Variants in PTPRT observed in about 807,000 individuals in gnomAD.
PTPRT encodes protein tyrosine phosphatase receptor type T.
Under a neutral mutation model 176.8 loss-of-function variants are expected in PTPRT, and 56 were observed. The ratio of observed to expected loss-of-function variants is 0.32; its 90% CI spans 0.26 to 0.40. The LOEUF is 0.40. PTPRT is among the 10% of genes least tolerant of loss of function. The pLI is 1.00. For synonymous variants in PTPRT, 783 were observed against 739.0 expected, an observed-to-expected ratio of 1.06 and a Z score of -0.96; for missense variants, 1,540 against 1,908.2, an observed-to-expected ratio of 0.81 and a Z score of 3.60.
At chr20:43,012,407 G>A (rs1985174699) in intron 1 of PTPRT, among the ~76,000 whole-genome samples, 1 of 152,120 alleles carries the variant, frequency 6.6e-6, no homozygotes, top group South Asian at 2.1e-4. Context: ...GTAAAATGGT[G>A]GTTACTAGAG....
At chr20:42,141,839 G>C in intron 18 of PTPRT, 76 bp downstream of exon 18, 2 of 1,311,766 alleles carry the variant, frequency 1.5e-6, no homozygotes, top group South Asian at 2.4e-5. Flanking sequence ...CAAATTCCAG[G>C]TAAATAATAG....
chr20:42,914,397 T>C (rs1978595335), intron 1 of PTPRT, among the ~76,000 whole-genome samples: 1 of 152,198 alleles, frequency 6.6e-6, no homozygotes, highest in South Asian at 2.1e-4. Flanking sequence ...TTTGTATGAA[T>C]GACTCATCAA....
intron 2 of PTPRT, among the ~76,000 whole-genome samples, chr20:42,820,966 C>G (rs6124495): frequency 5.9e-5 from 9 of 152,180 alleles, no homozygotes. Flanking sequence ...AGATTCACAG[C>G]TGAACTCTAC....
intron 2 of PTPRT, among the ~76,000 whole-genome samples, chr20:42,878,157 C>T (rs903856392): frequency 4.6e-5 from 7 of 152,078 alleles, no homozygotes; most frequent in Non-Finnish European, 8.8e-5. Context: ...GAATACTCAC[C>T]GCAACATGAT....
At chr20:42,538,965 C>T (rs559040055) in intron 7 of PTPRT, among the ~76,000 whole-genome samples, 3 of 152,310 alleles carry the variant, frequency 2.0e-5, no homozygotes, top group Admixed American at 1.3e-4. Flanking sequence ...ATCCATGCAA[C>T]TATCACTAAT....
At chr20:42,276,377 T>C (rs2057029887) in intron 13 of PTPRT, among the ~76,000 whole-genome samples, 1 of 149,522 alleles carries the variant, frequency 6.7e-6, no homozygotes, top group South Asian at 2.1e-4. Context: ...GTACAAGCAG[T>C]GACTAGAGTC....
At chr20:42,574,587 G>A (rs2073222836) in intron 7 of PTPRT, among the ~76,000 whole-genome samples, 2 of 152,160 alleles carry the variant, frequency 1.3e-5, no homozygotes, top group Admixed American at 6.5e-5. Flanking sequence ...GAAGAACAAA[G>A]GGCAGTGGCA....
chr20:42,651,779 G>T (rs1290875890), intron 7 of PTPRT, among the ~76,000 whole-genome samples: 1 of 152,154 alleles, frequency 6.6e-6, no homozygotes, highest in Admixed American at 6.6e-5. Flanking sequence ...AGGCACAGTG[G>T]CTCATGCCTA....
intron 26 of PTPRT, among the ~76,000 whole-genome samples, chr20:42,100,710 C>T (rs1292535406): frequency 1.3e-5 from 2 of 152,216 alleles, no homozygotes; most frequent in African/African-American, 2.4e-5. Context: ...TCTCATCACA[C>T]TCACACACAT....
the PTPRT span, among the ~76,000 whole-genome samples, chr20:42,037,863 C>G: frequency 6.6e-6 from 1 of 152,138 alleles, no homozygotes; most frequent in South Asian, 2.1e-4. Flanking sequence ...TGCTTCAGCT[C>G]CTCTGCTGTG....
intron 1 of PTPRT, among the ~76,000 whole-genome samples, chr20:42,975,858 G>A (rs574543052): frequency 1.1e-4 from 17 of 151,424 alleles, no homozygotes; most frequent in East Asian, 5.8e-4. Flanking sequence ...TGTATGCCCC[G>A]TTTTGGGGAA....
intron 9 of PTPRT, among the ~76,000 whole-genome samples, chr20:42,357,388 C>G (rs2058372398): frequency 6.6e-6 from 1 of 152,210 alleles, no homozygotes. Flanking sequence ...AAGATCGTAT[C>G]TGGTGTTTGT....
intron 1 of PTPRT, among the ~76,000 whole-genome samples, chr20:43,100,757 C>T (rs896245848): frequency 2.6e-5 from 4 of 152,150 alleles, no homozygotes; most frequent in East Asian, 3.9e-4. Context: ...TATAAAAGCA[C>T]TGGGGGACAC....
chr20:43,167,288 C>G (rs1036843844), intron 1 of PTPRT, among the ~76,000 whole-genome samples: 2 of 152,206 alleles, frequency 1.3e-5, no homozygotes, highest in Non-Finnish European at 2.9e-5. Flanking sequence ...CTTCAAGACA[C>G]TTAATAAATT....
At chr20:42,330,983 A>G (rs1368188928) in intron 11 of PTPRT, among the ~76,000 whole-genome samples, 2 of 152,210 alleles carry the variant, frequency 1.3e-5, no homozygotes, top group African/African-American at 4.8e-5. Context: ...GAAAAGCAGT[A>G]ATGTGAAACA....
the PTPRT span, among the ~76,000 whole-genome samples, chr20:42,062,089 A>C: frequency 6.6e-6 from 1 of 152,152 alleles, no homozygotes; most frequent in East Asian, 1.9e-4. Flanking sequence ...ATCCGCAGGT[A>C]GGGTACACTA....
chr20:43,166,704 T>G (rs1221750922), intron 1 of PTPRT, among the ~76,000 whole-genome samples: 1 of 152,156 alleles, frequency 6.6e-6, no homozygotes, highest in Non-Finnish European at 1.5e-5. Context: ...GGAGAAAAAT[T>G]CAATCACAGC....
chr20:42,298,434 T>G (rs572320739), intron 12 of PTPRT, among the ~76,000 whole-genome samples: 4 of 152,296 alleles, frequency 2.6e-5, no homozygotes, highest in African/African-American at 7.2e-5. Flanking sequence ...TTTAGTGACA[T>G]CTAGCAAAAC....
chr20:42,549,447 G>A (rs2072730531), intron 7 of PTPRT, among the ~76,000 whole-genome samples: 1 of 152,066 alleles, frequency 6.6e-6, no homozygotes, highest in Non-Finnish European at 1.5e-5. Context: ...GTTGGGGAGG[G>A]ACACGGGAGC....
Sources: gnomAD v4.1 joint callset for allele counts (sites outside exome capture counted in the v4.1 genomes callset) on GRCh38, gnomAD v4.1.1 for gene constraint, MANE v1.5 for transcripts, NCBI Gene and HGNC (gene_info 2026-07-23, HGNC 2026-07-21) for gene names.